The following TC2N variants were observed in gnomAD, a reference collection of about 807,000 sequenced individuals.
TC2N encodes tandem C2 domains nuclear protein.
TC2N carries 51 observed loss-of-function variants against 61.9 expected under a neutral mutation model. That is an observed-to-expected ratio of 0.82 (90% CI 0.66 to 1.04). The LOEUF (loss-of-function observed/expected upper bound fraction) is 1.04, where lower values mean the gene tolerates loss of function less well. Ranked by LOEUF, TC2N falls within the 50% of genes least tolerant of loss-of-function variation. TC2N has a pLI of 0.00. For missense variants in TC2N, 556 were observed against 566.7 expected, an observed-to-expected ratio of 0.98 and a Z score of 0.19; for synonymous variants, 204 against 192.6, an observed-to-expected ratio of 1.06 and a Z score of -0.49.
intron 3 of TC2N, among the ~76,000 whole-genome samples, chr14:91,805,214 T>C (rs1443630672): frequency 6.6e-6 from 1 of 152,136 alleles, no homozygotes; most frequent in Non-Finnish European, 1.5e-5. Context: ...AATGTGGATG[T>C]TTGTGTCTAA....
intron 3 of TC2N, among the ~76,000 whole-genome samples, chr14:91,806,399 T>C (rs1431864642): frequency 3.9e-5 from 6 of 152,270 alleles, no homozygotes; most frequent in Admixed American, 3.9e-4. Flanking sequence ...GTGGGAAAGT[T>C]AGGAACTGCC....
At chr14:91,855,536 C>T (rs1033327960) in intron 1 of TC2N, among the ~76,000 whole-genome samples, 4 of 152,204 alleles carry the variant, frequency 2.6e-5, no homozygotes, top group African/African-American at 4.8e-5. Flanking sequence ...CTTGTAAGGA[C>T]ATCAGTCATT....
At chr14:91,858,647 C>T (rs1321736092) in intron 1 of TC2N, among the ~76,000 whole-genome samples, 3 of 152,128 alleles carry the variant, frequency 2.0e-5, no homozygotes, top group Admixed American at 6.6e-5. Context: ...GGTTAATGCA[C>T]GTTTCAGTTT....
At chr14:91,797,736 T>C (rs3783826) in intron 8 of TC2N, 49 bp downstream of exon 8, 5,381 of 886,466 alleles carry the variant, frequency 6.1e-3, no homozygotes, top group South Asian at 0.017. Context: ...GTGACAAATA[T>C]AAAAAAAAAA....
At chr14:91,807,145 A>C (rs1427926879) in intron 3 of TC2N, among the ~76,000 whole-genome samples, 1 of 152,226 alleles carries the variant, frequency 6.6e-6, no homozygotes, top group African/African-American at 2.4e-5. Context: ...CAGAGGATGT[A>C]AGGAAATGCC....
chr14:91,821,715 T>A (rs1190110401), intron 1 of TC2N, among the ~76,000 whole-genome samples: 1 of 152,010 alleles, frequency 6.6e-6, no homozygotes, highest in African/African-American at 2.4e-5. Flanking sequence ...AAAAGACCAC[T>A]CGGAGACTGA....
At chr14:91,803,715 CA>C (rs1886373370) in intron 3 of TC2N, among the ~76,000 whole-genome samples, 1 of 152,178 alleles carries the variant, frequency 6.6e-6, no homozygotes, top group Admixed American at 6.5e-5. Flanking sequence ...CTCAGCCTCC[CA>C]AAGTGCTGGG....
At chr14:91,811,248 A>AT (rs58322085) in intron 3 of TC2N, among the ~76,000 whole-genome samples, 12,648 of 152,140 alleles carry the variant, frequency 0.083, 1,123 homozygotes, top group African/African-American at 0.22. Context: ...CAAAAAGTGG[A>AT]TTAATAATGG....
chr14:91,850,970 T>C (rs1201664954), intron 1 of TC2N, among the ~76,000 whole-genome samples: 2 of 152,146 alleles, frequency 1.3e-5, no homozygotes, highest in African/African-American at 4.8e-5. Context: ...TGATGAGCTA[T>C]CACTGTCTCT....
chr14:91,792,474 G>C lies in TC2N; in HGVS notation c.940C>G (p.Gln314Glu), dbSNP rs1192897278. Residue 314 changes from glutamine (Q) to glutamate (E), a missense_variant, in exon 9 of 12, where the codon CAG becomes GAG. Gln to Glu is a conservative substitution (Grantham distance 29, BLOSUM62 2). Coordinates refer to ENST00000435962, the MANE Select transcript of TC2N (RefSeq NM_001128596.3). ...CCAATGGTTTTCTTCCTGGGAGTCT[G>C]GGTTTGAATCTTAAATACAAGTCTT... ...TVRLVFKIQTQTPRKKTIGEC... is the reference protein window; with the variant it reads ...TVRLVFKIQTETPRKKTIGEC... 1 of 1,610,974 alleles carries C rather than the reference G, an allele frequency of 6.2e-7. No homozygotes were observed. The highest frequency in any genetic ancestry group is 1.7e-5 in the Admixed American group (1 of 59,984).
chr14:91,845,432 T>A (rs1436475502), intron 1 of TC2N, among the ~76,000 whole-genome samples: 1 of 152,136 alleles, frequency 6.6e-6, no homozygotes, highest in Non-Finnish European at 1.5e-5. Flanking sequence ...CTCAAGCTCC[T>A]TTTGTTAAGT....
At chr14:91,798,469 A>C in intron 6 of TC2N, 70 bp from the exon 7 acceptor site, 3 of 828,942 alleles carry the variant, frequency 3.6e-6, no homozygotes, top group Non-Finnish European at 5.9e-6. Context: ...GCTTTGACAC[A>C]ATCCAATTTT....
intron 8 of TC2N, among the ~76,000 whole-genome samples, chr14:91,794,081 C>CAAATTTCAAAAATCAA: frequency 6.6e-6 from 1 of 152,294 alleles, no homozygotes; most frequent in Non-Finnish European, 1.5e-5. Flanking sequence ...AAAATCAAAT[C>CAAATTTCAAAAATCAA]AGCCACAACA....
intron 1 of TC2N, among the ~76,000 whole-genome samples, chr14:91,851,867 A>G (rs1316598721): frequency 6.6e-6 from 1 of 152,224 alleles, no homozygotes; most frequent in Non-Finnish European, 1.5e-5. Flanking sequence ...AGTGGTCCAC[A>G]CTTTATTTTT....
chr14:91,792,336 G>T, intron 9 of TC2N, 31 bp downstream of exon 9: 1 of 1,410,886 alleles, frequency 7.1e-7, no homozygotes. Flanking sequence ...CTAAAAGTAT[G>T]AAATACTCTT....
intron 1 of TC2N, among the ~76,000 whole-genome samples, chr14:91,850,386 CG>C (rs1367233799): frequency 3.3e-5 from 5 of 152,294 alleles, no homozygotes; most frequent in African/African-American, 9.6e-5. Context: ...CACTATAAAG[CG>C]GGGGTCCCCA....
intron 1 of TC2N, among the ~76,000 whole-genome samples, chr14:91,851,877 T>C (rs1326242284): frequency 1.3e-5 from 2 of 152,258 alleles, no homozygotes; most frequent in East Asian, 3.8e-4. Context: ...ACTTTATTTT[T>C]AGCATCCATC....
At chr14:91,843,114 C>T (rs560676049) in intron 1 of TC2N, among the ~76,000 whole-genome samples, 1 of 152,122 alleles carries the variant, frequency 6.6e-6, no homozygotes, top group East Asian at 1.9e-4. Flanking sequence ...CCTGGGCCAG[C>T]CAGCTGCTCC....
intron 1 of TC2N, among the ~76,000 whole-genome samples, chr14:91,824,363 C>T (rs1178810984): frequency 6.6e-6 from 1 of 152,196 alleles, no homozygotes; most frequent in African/African-American, 2.4e-5. Context: ...TTTGCCTCTG[C>T]TGGTCTGACA....
Sources: gnomAD v4.1 joint callset for allele counts (sites outside exome capture counted in the v4.1 genomes callset) on GRCh38, gnomAD v4.1.1 for gene constraint, MANE v1.5 for transcripts, NCBI Gene and HGNC (gene_info 2026-07-23, HGNC 2026-07-21) for gene names.